The following USP2 variants were observed in gnomAD, a reference collection of about 807,000 sequenced individuals.
The protein encoded by USP2 is ubiquitin specific peptidase 2, also known as ubiquitin carboxyl-terminal hydrolase 2.
In USP2, 33 loss-of-function variants were observed where a neutral mutation model predicts 72.0. That is an observed-to-expected ratio of 0.46 (90% CI 0.35 to 0.61). The LOEUF is 0.61. Among genes scored for constraint, USP2 ranks in the 20% least tolerant of loss-of-function variants. The pLI, the probability that USP2 is intolerant of heterozygous loss-of-function variation, is 0.01. For missense variants in USP2, 691 were observed against 797.8 expected (o/e 0.87, Z 1.61); for synonymous variants, 296 against 312.5 (o/e 0.95, Z 0.56).
At chr11:119,380,074 C>G (rs923185069) in intron 1 of USP2, among the ~76,000 whole-genome samples, 2 of 151,884 alleles carry the variant, frequency 1.3e-5, no homozygotes, top group African/African-American at 4.8e-5. Flanking sequence ...GCCAGCACGC[C>G]CGGCTAATTT....
At position 119,356,058 on chromosome 11, in the gene USP2, A is replaced by C. The variant is rs553328386; in HGVS notation, c.*777T>G. On this transcript the variant is annotated 3_prime_UTR_variant, in exon 13 of 13. Coordinates refer to ENST00000260187, the MANE Select transcript of USP2 (RefSeq NM_004205.5). ...TCCATTCAAAACATTAAAAAAAAAA[A>C]AAAAAAACCCAAACCCCCAAAACAG... 4.0e-5 allele frequency: 6 copies of C among 150,836 alleles called. No individual in the cohort carries two copies. In the East Asian group the frequency reaches 5.8e-4, roughly 15 times the overall value. 9.3% of individuals were successfully genotyped at this position (150,836 alleles called of 1,614,324 possible).
intron 2 of USP2, among the ~76,000 whole-genome samples, chr11:119,371,967 G>GCAGATGTCGTCAGTGC (rs1231122333): frequency 2.6e-5 from 4 of 152,112 alleles, no homozygotes; most frequent in Non-Finnish European, 5.9e-5. Context: ...TACAGAAAAG[G>GCAGATGTCGTCAGTGC]CAGATGTCGT....
intron 2 of USP2, among the ~76,000 whole-genome samples, chr11:119,366,364 G>A (rs983374624): frequency 1.3e-5 from 2 of 152,184 alleles, no homozygotes; most frequent in Non-Finnish European, 2.9e-5. Context: ...TTACCTACTT[G>A]TAAATTCTGC....
At chr11:119,360,585 G>A (rs1394407341) in intron 2 of USP2, among the ~76,000 whole-genome samples, 2 of 151,920 alleles carry the variant, frequency 1.3e-5, no homozygotes, top group East Asian at 1.9e-4. Context: ...CACGATGCCC[G>A]GCTAATTTTT....
At position 119,357,176 on chromosome 11, in the gene USP2, C is replaced by G; in HGVS notation, c.1730+11G>C. 6.2e-7 allele frequency: 1 copy of G among 1,613,246 alleles called. No homozygotes were observed. On this transcript the variant is annotated intron_variant, in intron 12 of 12. Coordinates refer to ENST00000260187, the MANE Select transcript of USP2 (RefSeq NM_004205.5). ...TACAGCCAGGGGCTCCGGCCCTGCC[C>G]TGGCTCTCACCTGGAGTCGTTGAAA...
chr11:119,362,314 C>T (rs1950776422), intron 2 of USP2, among the ~76,000 whole-genome samples: 1 of 152,192 alleles, frequency 6.6e-6, no homozygotes, highest in Admixed American at 6.5e-5. Flanking sequence ...CACTTCGTCA[C>T]CCACGATTAC....
chr11:119,364,295 C>CA (rs1950819290), intron 2 of USP2: 10 of 598,428 alleles, frequency 1.7e-5, no homozygotes, highest in Non-Finnish European at 2.1e-5. Flanking sequence ...GCCTCTACCC[C>CA]GCCCCCGGCG....
chr11:119,358,624 ATCT>A, intron 7 of USP2, 146 bp downstream of exon 7: 3 of 988,928 alleles, frequency 3.0e-6, no homozygotes, highest in Non-Finnish European at 4.7e-6. Flanking sequence ...CCTGCACAGC[ATCT>A]TCTTTCTTGC....
chr11:119,368,383 A>T (rs1950882674), intron 2 of USP2, among the ~76,000 whole-genome samples: 2 of 152,216 alleles, frequency 1.3e-5, no homozygotes, highest in Admixed American at 6.5e-5. Flanking sequence ...CGAGAACATG[A>T]GGGACGAGAG....
At chr11:119,371,339 C>A (rs1383116571) in intron 2 of USP2, among the ~76,000 whole-genome samples, 6 of 152,088 alleles carry the variant, frequency 3.9e-5, no homozygotes, top group Non-Finnish European at 2.9e-5. Flanking sequence ...CAAGTGAGTC[C>A]TGCTCCACTC....
At chr11:119,380,799 T>A (rs1425527692) in intron 1 of USP2, 1 of 157,436 alleles carries the variant, frequency 6.4e-6, no homozygotes, top group Non-Finnish European at 1.4e-5. Context: ...GGGGTCCATC[T>A]GGGGGATGTT....
intron 1 of USP2, among the ~76,000 whole-genome samples, chr11:119,379,614 G>C (rs1951037557): frequency 1.3e-5 from 2 of 152,198 alleles, no homozygotes; most frequent in South Asian, 4.1e-4. Flanking sequence ...CCTGGGATTG[G>C]AGGCTAGTTC....
chr11:119,357,700 C>A, intron 10 of USP2, 57 bp downstream of exon 10: 1 of 1,613,460 alleles, frequency 6.2e-7, no homozygotes, highest in Admixed American at 1.7e-5. Flanking sequence ...CTATGGGCCC[C>A]TTGTCATCAG....
intron 2 of USP2, among the ~76,000 whole-genome samples, chr11:119,368,131 C>T (rs1322993177): frequency 6.6e-6 from 1 of 152,260 alleles, no homozygotes; most frequent in Non-Finnish European, 1.5e-5. Context: ...CGCAAACCCA[C>T]TGCCCTTTCC....
In USP2 at chr11:119,373,017, G is replaced by T; in HGVS notation, c.464C>A (p.Thr155Asn). Residue 155 changes from threonine to asparagine, a missense_variant, in exon 2 of 13, where the codon ACC (threonine) becomes AAC (asparagine). Coordinates refer to ENST00000260187, the MANE Select transcript of USP2 (RefSeq NM_004205.5). The stretch of plus-strand genomic sequence containing the variant: ...GGGGTCTATCCGGTAGCTATCTGAG[G>T]TCCGGAGGCTGGAGAAATCCCGGGC... ...DLARDFSSLRTSDSYRIDPRN... is the reference protein window; with the variant it reads ...DLARDFSSLRNSDSYRIDPRN... The T allele has an allele frequency of 6.2e-7, 1 of 1,613,874 alleles. No homozygotes were observed. The highest frequency in any genetic ancestry group is 2.2e-5 in the East Asian group (1 of 44,890).
rs1483499613 is a variant in USP2 at position 119,355,369 on chromosome 11, G to C, written c.*1466C>G. ...AAGGGTGTCAGGCCAGTAAAACTCA[G>C]GGTGTCTTTCTCTGATGCCTCCTCC... is the stretch of plus-strand genomic sequence containing the variant. On this transcript the variant is annotated 3_prime_UTR_variant, in exon 13 of 13. Coordinates refer to ENST00000260187, the MANE Select transcript of USP2 (RefSeq NM_004205.5). 1 of 152,252 alleles carries C rather than the reference G, an allele frequency of 6.6e-6. No homozygotes were observed. Among genetic ancestry groups the C allele is most frequent in the East Asian group, 1.9e-4 (1 of 5,192 alleles). 9.4% of individuals were successfully genotyped at this position (152,252 alleles called of 1,614,324 possible).
At position 119,356,888 on chromosome 11, in the gene USP2, T is replaced by C; in HGVS notation, c.1765A>G (p.Ser589Gly). Residue 589 changes from serine to glycine, a missense_variant, in exon 13 of 13, where the codon AGC (serine) becomes GGC (glycine). Coordinates refer to ENST00000260187, the MANE Select transcript of USP2 (RefSeq NM_004205.5). ...TCGTAGAAGAGCAGGTAGGCGTCGC[T>C]GGTGCGCACTTGGCTGGAGGACATG... ...TPMSSSQVRT[S>G]DAYLLFYELA... 6.4e-7 allele frequency: 1 copy of C among 1,564,832 alleles called. No homozygotes were observed. Among genetic ancestry groups the C allele is most frequent in the African/African-American group, 1.3e-5 (1 of 74,286 alleles).
rs1460484841 is a variant in USP2, at chr11:119,355,277, C to T, written c.*1558G>A. 2 of 152,264 alleles carry T rather than the reference C, an allele frequency of 1.3e-5. No homozygotes were observed. The highest frequency in any genetic ancestry group is 2.9e-5 in the Non-Finnish European group (2 of 68,050). The allele number at this position is 152,264 out of a possible 1,614,324, so 9.4% of individuals were successfully genotyped here. The stretch of plus-strand genomic sequence containing the variant: ...CCACTGTACATTAGACATTCTTCTA[C>T]TCTTGCTTACACAGTAAACAAGTGT... On this transcript the variant is annotated 3_prime_UTR_variant, in exon 13 of 13. Transcript: ENST00000260187.
chr11:119,373,209 C>T lies in USP2; in HGVS notation c.272G>A (p.Arg91Gln), dbSNP rs1464776602. 22 of 1,613,866 alleles carry T rather than the reference C, an allele frequency of 1.4e-5. No homozygotes were observed. The Middle Eastern group carries it at 4.9e-4, about 36-fold the overall frequency. ...LRPDITGGGK[R>Q]AESQTRGTER... ...AGTACCCCGGGTCTGGCTCTCTGCC[C>T]GCTTACCACCCCCAGTGATGTCGGG... Residue 91 changes from arginine to glutamine, a missense_variant, in exon 2 of 13, where the codon CGG becomes CAG. By Grantham distance (43) the Arg-to-Gln change is conservative. Coordinates refer to ENST00000260187, the MANE Select transcript of USP2 (RefSeq NM_004205.5).
Sources: allele counts gnomAD v4.1 joint callset (sites outside exome capture counted in the v4.1 genomes callset), GRCh38; gene constraint gnomAD v4.1.1; transcripts MANE v1.5; gene names NCBI Gene and HGNC (gene_info 2026-07-23, HGNC 2026-07-21).